The following ABLIM1 variants were observed in gnomAD, a reference collection of about 807,000 sequenced individuals.
The protein encoded by ABLIM1 is actin binding LIM protein 1, also known as actin-binding LIM protein 1.
ABLIM1 carries 40 observed loss-of-function variants against 107.0 expected under a neutral mutation model. That is an observed-to-expected ratio of 0.37 (90% CI 0.29 to 0.49). ABLIM1 has a LOEUF of 0.49. Ranked by LOEUF, ABLIM1 falls within the 20% of genes least tolerant of loss-of-function variation. ABLIM1 has a pLI of 0.97. For missense variants in ABLIM1, 857 were observed against 1,008.5 expected (o/e 0.85, Z 2.04); for synonymous variants, 357 against 357.3 (o/e 1.00, Z 0.01).
chr10:114,758,120 C>G (rs2082670980), intron 1 of ABLIM1, among the ~76,000 whole-genome samples: 1 of 152,164 alleles, frequency 6.6e-6, no homozygotes, highest in Admixed American at 6.5e-5. Flanking sequence ...TCCCCACACT[C>G]TCACCTCTCT....
intron 1 of ABLIM1, among the ~76,000 whole-genome samples, chr10:114,733,778 A>G (rs1566285305): frequency 6.6e-6 from 1 of 152,200 alleles, no homozygotes. Context: ...TTCTATAAAA[A>G]TGTTTCTGGC....
chr10:114,583,464 CACACATATATATATATATATATAT>C (rs1566009728), intron 2 of ABLIM1, among the ~76,000 whole-genome samples: 3 of 8,338 alleles, frequency 3.6e-4, no homozygotes, highest in Non-Finnish European at 6.8e-4. Context: ...CACACACACA[CACACATATATATATATATATATAT>C]ATATATATAT....
rs369035361 is a variant in ABLIM1 at position 114,744,082 on chromosome 10, C to T, written c.-213+23979G>A. ...GGCGTGGGCGTAGAAGCAGAAGTTT[C>T]GTGATGGGACCACAGTTCTGTTGGT... On this transcript the variant is annotated intron_variant, in intron 1 of 15. Transcript: ENST00000651092. 3.9e-5 allele frequency among the ~76,000 whole-genome samples: 6 copies of T among 152,286 alleles called. No individual in the cohort carries two copies. The East Asian group carries it at 9.6e-4, about 24-fold the overall frequency.
chr10:114,744,547 GA>G (rs1263241634), intron 1 of ABLIM1, among the ~76,000 whole-genome samples: 1 of 152,210 alleles, frequency 6.6e-6, no homozygotes, highest in Non-Finnish European at 1.5e-5. Context: ...ACAGGAGGCT[GA>G]GGCAGGAGGA....
chr10:114,793,775 G>A, the ABLIM1 span, among the ~76,000 whole-genome samples: 1 of 152,168 alleles, frequency 6.6e-6, no homozygotes, highest in Non-Finnish European at 1.5e-5. Context: ...TCACAGAGCT[G>A]TACTGTAGTC....
intron 1 of ABLIM1, among the ~76,000 whole-genome samples, chr10:114,704,271 G>GCTCTCTCGCTCT (rs2081363028): frequency 7.3e-5 from 3 of 40,974 alleles, no homozygotes; most frequent in African/African-American, 2.2e-4. Flanking sequence ...TCTCTCTCTC[G>GCTCTCTCGCTCT]CTCTCTCTCT....
chr10:114,486,978 A>G (rs2058287515), intron 8 of ABLIM1, among the ~76,000 whole-genome samples: 1 of 152,230 alleles, frequency 6.6e-6, no homozygotes, highest in African/African-American at 2.4e-5. Flanking sequence ...GCGGCAGGCA[A>G]AGGGATCTGA....
intron 1 of ABLIM1, among the ~76,000 whole-genome samples, chr10:114,733,350 C>T (rs1442513390): frequency 6.6e-6 from 1 of 152,116 alleles, no homozygotes; most frequent in Non-Finnish European, 1.5e-5. Flanking sequence ...AAAAAAATTG[C>T]CCTTTAGAAC....
intron 6 of ABLIM1, among the ~76,000 whole-genome samples, chr10:114,542,759 T>A (rs1244534138): frequency 6.6e-6 from 1 of 152,096 alleles, no homozygotes; most frequent in East Asian, 1.9e-4. Context: ...TGAGAAGAGC[T>A]CTCTGGGGAG....
intron 1 of ABLIM1, among the ~76,000 whole-genome samples, chr10:114,750,995 C>T (rs1282536274): frequency 2.0e-5 from 3 of 152,140 alleles, no homozygotes; most frequent in Non-Finnish European, 4.4e-5. Flanking sequence ...CCTTAACTAA[C>T]AAATTTATCA....
At chr10:114,768,188 G>T, upstream of ABLIM1, 1 of 185,530 alleles carries the variant, frequency 5.4e-6, no homozygotes, top group South Asian at 7.2e-5. Flanking sequence ...TCCCGGTGCG[G>T]GGACGCCGCC....
rs1186910235 is a variant in ABLIM1 at position 114,735,673 on chromosome 10, T to C, written c.-213+32388A>G. 2.6e-5 allele frequency among the ~76,000 whole-genome samples: 4 copies of C among 152,340 alleles called. No individual in the cohort carries two copies. The South Asian group carries it at 8.3e-4, about 32-fold the overall frequency. ...TTAGTACAGACAGGGTTTCACCATGTTGGTCAGGATGGTCTCGATCTTTTG... is the reference window on the plus strand; with the variant it reads ...TTAGTACAGACAGGGTTTCACCATGCTGGTCAGGATGGTCTCGATCTTTTG... On this transcript the variant is annotated intron_variant, in intron 1 of 15. Transcript: ENST00000651092.
At chr10:114,677,180 C>T (rs1215134647) in intron 1 of ABLIM1, among the ~76,000 whole-genome samples, 1 of 152,178 alleles carries the variant, frequency 6.6e-6, no homozygotes, top group African/African-American at 2.4e-5. Flanking sequence ...AAAGGGAAGA[C>T]TCATAGCCAC....
intron 12 of ABLIM1, among the ~76,000 whole-genome samples, chr10:114,461,992 A>C (rs1841428633): frequency 6.6e-6 from 1 of 152,206 alleles, no homozygotes; most frequent in South Asian, 2.1e-4. Flanking sequence ...TATTTTCAAA[A>C]CATAGAGAAT....
intron 6 of ABLIM1, among the ~76,000 whole-genome samples, chr10:114,514,884 G>A (rs1343417705): frequency 1.3e-5 from 2 of 152,188 alleles, no homozygotes; most frequent in South Asian, 4.1e-4. Context: ...GCCTGTCATT[G>A]AGACCTACCC....
chr10:114,760,600 G>C (rs2082725443), intron 1 of ABLIM1, among the ~76,000 whole-genome samples: 2 of 152,144 alleles, frequency 1.3e-5, no homozygotes, highest in Admixed American at 6.5e-5. Context: ...CAATATATTA[G>C]ACCACAGCAG....
intron 19 of ABLIM1, chr10:114,440,788 C>A (rs1234993343): frequency 3.1e-6 from 2 of 638,512 alleles, no homozygotes; most frequent in East Asian, 6.3e-5. Context: ...GTGCTCAGCA[C>A]ATAGTATGAG....
chr10:114,697,060 G>A (rs1035859020), intron 1 of ABLIM1, among the ~76,000 whole-genome samples: 10 of 152,078 alleles, frequency 6.6e-5, no homozygotes, highest in Admixed American at 2.6e-4. Context: ...TGAATCTCTC[G>A]GCCTCATGAC....
intron 6 of ABLIM1, among the ~76,000 whole-genome samples, chr10:114,517,639 G>C (rs2063081243): frequency 6.6e-6 from 1 of 152,160 alleles, no homozygotes; most frequent in Non-Finnish European, 1.5e-5. Context: ...TACAATGTGG[G>C]TCTGTACTTT....
Sources: gnomAD v4.1 joint callset for allele counts (sites outside exome capture counted in the v4.1 genomes callset) on GRCh38, gnomAD v4.1.1 for gene constraint, MANE v1.5 for transcripts, NCBI Gene and HGNC (gene_info 2026-07-23, HGNC 2026-07-21) for gene names.